The following MKLN1 variants were observed in gnomAD, a reference collection of about 807,000 sequenced individuals.
MKLN1 encodes muskelin 1, also known as muskelin.
In MKLN1, 18 loss-of-function variants were observed where a neutral mutation model predicts 99.0. That is an observed-to-expected ratio of 0.18 (90% CI 0.13 to 0.27). The LOEUF (loss-of-function observed/expected upper bound fraction) is 0.27, where lower values mean the gene tolerates loss of function less well. Among genes scored for constraint, MKLN1 ranks in the 10% least tolerant of loss-of-function variants. MKLN1 has a pLI of 1.00. For missense variants in MKLN1, 621 were observed against 875.9 expected, an observed-to-expected ratio of 0.71 and a Z score of 3.67; for synonymous variants, 288 against 293.2, an observed-to-expected ratio of 0.98 and a Z score of 0.18.
intron 3 of MKLN1, among the ~76,000 whole-genome samples, chr7:131,285,263 T>A (rs1217468924): frequency 6.6e-6 from 1 of 151,660 alleles, no homozygotes. Context: ...CCCTGAGGAG[T>A]GATGTGAAGG....
chr7:131,458,545 T>A (rs1207795155), intron 12 of MKLN1, among the ~76,000 whole-genome samples: 1 of 152,156 alleles, frequency 6.6e-6, no homozygotes, highest in Non-Finnish European at 1.5e-5. Flanking sequence ...TTATTAACAC[T>A]AAAATGTCAT....
chr7:131,127,358 A>T (rs1352581797), intron 1 of MKLN1, among the ~76,000 whole-genome samples: 1 of 152,168 alleles, frequency 6.6e-6, no homozygotes, highest in Admixed American at 6.5e-5. Context: ...GAGGCATATT[A>T]TCTCATGGAG....
intron 2 of MKLN1, among the ~76,000 whole-genome samples, chr7:131,143,355 A>G (rs1462717236): frequency 6.6e-6 from 1 of 152,192 alleles, no homozygotes; most frequent in Non-Finnish European, 1.5e-5. Flanking sequence ...TAATTCCGCT[A>G]CTTGGGAGGT....
At chr7:131,297,650 A>G (rs1440383185) in intron 3 of MKLN1, among the ~76,000 whole-genome samples, 1 of 152,194 alleles carries the variant, frequency 6.6e-6, no homozygotes, top group Non-Finnish European at 1.5e-5. Flanking sequence ...AAAAAAATGC[A>G]CAGATTGTGC....
intron 3 of MKLN1, among the ~76,000 whole-genome samples, chr7:131,265,215 T>C (rs968824073): frequency 6.6e-6 from 1 of 152,124 alleles, no homozygotes; most frequent in Non-Finnish European, 1.5e-5. Context: ...AAATAATGCT[T>C]CAACAATAGC....
At chr7:131,286,949 A>C (rs1798140541) in intron 3 of MKLN1, among the ~76,000 whole-genome samples, 1 of 152,182 alleles carries the variant, frequency 6.6e-6, no homozygotes, top group Non-Finnish European at 1.5e-5. Flanking sequence ...ATACTTTTAA[A>C]AAAATTAGCT....
At chr7:131,474,203 T>C (rs977229666) in intron 16 of MKLN1, among the ~76,000 whole-genome samples, 2 of 152,212 alleles carry the variant, frequency 1.3e-5, no homozygotes, top group Admixed American at 6.5e-5. Context: ...ATTCTTAATA[T>C]ATTTTAAAGA....
intron 1 of MKLN1, among the ~76,000 whole-genome samples, chr7:131,119,284 T>C (rs1432305577): frequency 6.6e-6 from 1 of 152,234 alleles, no homozygotes; most frequent in Non-Finnish European, 1.5e-5. Flanking sequence ...TTTGACTCCA[T>C]GTCTCACATC....
At chr7:131,418,835 A>G (rs779494564) in intron 8 of MKLN1, among the ~76,000 whole-genome samples, 11 of 152,202 alleles carry the variant, frequency 7.2e-5, no homozygotes, top group Non-Finnish European at 1.0e-4. Context: ...GTGGATTCCA[A>G]TGTCTGGAAG....
chr7:131,338,433 G>A (rs1307596590), intron 1 of MKLN1, among the ~76,000 whole-genome samples: 1 of 152,224 alleles, frequency 6.6e-6, no homozygotes, highest in Admixed American at 6.5e-5. Flanking sequence ...TAGGTGACAT[G>A]TCTTGAAAGG....
chr7:131,284,051 C>G (rs1584890183), intron 3 of MKLN1, among the ~76,000 whole-genome samples: 1 of 152,102 alleles, frequency 6.6e-6, no homozygotes, highest in Admixed American at 6.6e-5. Flanking sequence ...TTTGTTATGG[C>G]CAGTTTTTTG....
At chr7:131,349,996 G>A (rs1317188051) in intron 1 of MKLN1, among the ~76,000 whole-genome samples, 1 of 128,926 alleles carries the variant, frequency 7.8e-6, no homozygotes, top group Admixed American at 7.7e-5. Context: ...GTAGTGATAA[G>A]TTGACTTGAG....
chr7:131,410,252 T>G (rs967943471), intron 6 of MKLN1, among the ~76,000 whole-genome samples: 3 of 152,214 alleles, frequency 2.0e-5, no homozygotes, highest in Non-Finnish European at 4.4e-5. Flanking sequence ...GAAAACATGG[T>G]AGAACTTTAG....
At chr7:131,329,035 C>G (rs1354267473) in intron 1 of MKLN1, among the ~76,000 whole-genome samples, 1 of 151,938 alleles carries the variant, frequency 6.6e-6, no homozygotes, top group Non-Finnish European at 1.5e-5. Context: ...CTCACAGGAC[C>G]GAAACGATTT....
chr7:131,121,239 T>C (rs1452003973), intron 1 of MKLN1, among the ~76,000 whole-genome samples: 1 of 152,082 alleles, frequency 6.6e-6, no homozygotes, highest in Non-Finnish European at 1.5e-5. Flanking sequence ...GAAATCCGCC[T>C]CCATGATCCA....
chr7:131,301,120 G>A (rs1798371936), intron 3 of MKLN1, among the ~76,000 whole-genome samples: 1 of 152,206 alleles, frequency 6.6e-6, no homozygotes, highest in Non-Finnish European at 1.5e-5. Flanking sequence ...TGATCCCTAG[G>A]CCCCACCCCT....
At chr7:131,352,088 C>T (rs2116766667) in intron 1 of MKLN1, among the ~76,000 whole-genome samples, 1 of 152,182 alleles carries the variant, frequency 6.6e-6, no homozygotes, top group Non-Finnish European at 1.5e-5. Flanking sequence ...TGTTATATAC[C>T]TCCAGGTGTC....
At chr7:131,395,450 T>TTTTA (rs1554566266) in intron 4 of MKLN1, among the ~76,000 whole-genome samples, 1 of 134,218 alleles carries the variant, frequency 7.5e-6, no homozygotes, top group African/African-American at 2.8e-5. Flanking sequence ...GTAAAAATTA[T>TTTTA]TTTTATTTTA....
rs539231791 is a variant in MKLN1 at position 131,416,913 on chromosome 7, T to G, written c.847+2203T>G. Among the ~76,000 whole-genome samples the G allele has an allele frequency of 9.7e-4, 137 of 140,822 alleles. 1 individual carries two copies. The highest frequency in any genetic ancestry group is 1.6e-3 in the Non-Finnish European group (110 of 66,906). The allele number at this position is 140,822 out of a possible 152,430, so 92.4% of individuals were successfully genotyped here. ...CAGAAGGATTGCTTGAGCCCAGGAT[T>G]GGAGGCTACAGTGAGCCATCATCAC... On this transcript the variant is annotated intron_variant, in intron 8 of 17. Transcript: ENST00000352689.
Sources: allele counts gnomAD v4.1 joint callset (sites outside exome capture counted in the v4.1 genomes callset), GRCh38; gene constraint gnomAD v4.1.1; transcripts MANE v1.5; gene names NCBI Gene and HGNC (gene_info 2026-07-23, HGNC 2026-07-21).